Variants in HPCAL1 observed in about 807,000 individuals in gnomAD.
HPCAL1 encodes the protein hippocalcin like 1.
A neutral mutation model predicts 17.1 loss-of-function variants in HPCAL1; 8 were observed. That is an observed-to-expected ratio of 0.47 (90% CI 0.27 to 0.84). HPCAL1 has a LOEUF of 0.84. Ranked by LOEUF, HPCAL1 falls within the 40% of genes least tolerant of loss-of-function variation. The pLI, the probability that HPCAL1 is intolerant of heterozygous loss-of-function variation, is 0.13. For missense variants in HPCAL1, 165 were observed against 271.1 expected (o/e 0.61, Z 2.75); for synonymous variants, 112 against 111.4 (o/e 1.01, Z -0.03).
intron 1 of HPCAL1, among the ~76,000 whole-genome samples, chr2:10,388,143 G>A (rs529217484): frequency 6.6e-6 from 1 of 152,330 alleles, no homozygotes; most frequent in Non-Finnish European, 1.5e-5. Context: ...CAGACAGTTG[G>A]CGTGTCTCAG....
At chr2:10,307,354 C>T (rs563825492) in intron 1 of HPCAL1, among the ~76,000 whole-genome samples, 1 of 152,326 alleles carries the variant, frequency 6.6e-6, no homozygotes, top group Admixed American at 6.5e-5. Flanking sequence ...AGTGAGGTCT[C>T]CTCTCAGGTA....
At position 10,359,673 on chromosome 2, in the gene HPCAL1, C is replaced by T. The variant is rs926544950; in HGVS notation, c.-110-37162C>T. 5.3e-5 allele frequency among the ~76,000 whole-genome samples: 8 copies of T among 152,232 alleles called. No homozygotes were observed. The highest frequency in any genetic ancestry group is 1.9e-4 in the African/African-American group (8 of 41,456). ...AGGCCCACTCAGTGGCTGGCGGTCC[C>T]ACCTCCAAATGCAGGCAGACCACAC... On this transcript the variant is annotated intron_variant, in intron 1 of 4. Transcript: ENST00000307845. This position sits in a 1 kb window ranked among gnomAD's most constrained non-coding sequence, Gnocchi z 4.1.
At position 10,419,892 on chromosome 2, in the gene HPCAL1, G is replaced by C. The variant is rs1670926253; in HGVS notation, c.135G>C (p.Val45=). The change falls in exon 3 of 5, where the codon GTG becomes GTC. Residue 45 remains valine, a synonymous_variant. Transcript: ENST00000307845. This position sits in a 1 kb window ranked among gnomAD's most constrained non-coding sequence, Gnocchi z 5.0. The part of the protein sequence containing the change: ...LKDCPTGHLT[V]DEFKKIYANF... ...ACTGCCCCACCGGCCACCTGACCGT[G>C]GACGAGTTCAAGAAGATCTACGCCA... 1.2e-6 allele frequency: 2 copies of C among 1,613,798 alleles called. No homozygotes were observed. Among genetic ancestry groups the C allele is most frequent in the Admixed American group, 3.3e-5 (2 of 60,000 alleles).
Position 10,337,918 on chromosome 2 carries a change from G to A in HPCAL1, c.-111+34741G>A, listed in dbSNP as rs370530981. Among the ~76,000 whole-genome samples, 8 of 152,286 alleles carry A rather than the reference G, an allele frequency of 5.3e-5. No individual in the cohort carries two copies. In the East Asian group the frequency reaches 1.2e-3, roughly 22 times the overall value. ...AGGATGGGTCGGCCATGGCTGCGCC[G>A]GCTTAGTCTGTATTTAGGTATCACT... On this transcript the variant is annotated intron_variant, in intron 1 of 4. Coordinates refer to ENST00000307845, the MANE Select transcript of HPCAL1 (RefSeq NM_002149.4).
chr2:10,407,151 C>T (rs1301952728), intron 2 of HPCAL1, among the ~76,000 whole-genome samples: 17 of 152,172 alleles, frequency 1.1e-4, no homozygotes, highest in Admixed American at 1.1e-3. Context: ...AGGAGATTGG[C>T]ACCAGTTTGA....
chr2:10,408,601 T>C (rs1670123202), intron 2 of HPCAL1: 1 of 152,246 alleles, frequency 6.6e-6, no homozygotes, highest in South Asian at 2.1e-4. Context: ...AGGAACCTTT[T>C]CCTTCTGCAG....
At chr2:10,349,317 T>C (rs1665675531) in intron 1 of HPCAL1, among the ~76,000 whole-genome samples, 1 of 152,068 alleles carries the variant, frequency 6.6e-6, no homozygotes, top group South Asian at 2.1e-4. Context: ...TAGCCACTCT[T>C]CTATTTGAGT....
Position 10,419,481 on chromosome 2 carries a change from T to C in HPCAL1, c.-24-253T>C, listed in dbSNP as rs181525781. Among the ~76,000 whole-genome samples, 255 of 151,516 alleles carry C rather than the reference T, an allele frequency of 1.7e-3. 1 individual carries two copies. Among genetic ancestry groups the C allele is most frequent in the African/African-American group, 5.6e-3 (232 of 41,234 alleles). On this transcript the variant is annotated intron_variant, in intron 2 of 4. Coordinates refer to ENST00000307845, the MANE Select transcript of HPCAL1 (RefSeq NM_002149.4). This position sits in a 1 kb window ranked among gnomAD's most constrained non-coding sequence, Gnocchi z 5.0. The stretch of plus-strand genomic sequence containing the variant: ...GTTCCACTGATTTTAAGTTGCATTT[T>C]CCCCCCCGCATTTCCACATTCTCCA...
rs1277294225 is a variant in HPCAL1, at chr2:10,395,811, T to C, written c.-110-1024T>C. Among the ~76,000 whole-genome samples, 1 of 152,074 alleles carries C rather than the reference T, an allele frequency of 6.6e-6. No homozygotes were observed. Among genetic ancestry groups the C allele is most frequent in the Admixed American group, 6.6e-5 (1 of 15,262 alleles). Reference sequence around the variant, plus strand: ...TTTTTCCCCGTCTGTCAAATGGGGATGATGATTGTGCCTGCCTCCCAGGGC... The same window carrying C: ...TTTTTCCCCGTCTGTCAAATGGGGACGATGATTGTGCCTGCCTCCCAGGGC... On this transcript the variant is annotated intron_variant, in intron 1 of 4. Transcript: ENST00000307845. The surrounding 1 kb of genome is among the most constrained non-coding windows in gnomAD (Gnocchi z 4.4).
intron 1 of HPCAL1, among the ~76,000 whole-genome samples, chr2:10,374,040 T>C (rs1470350223): frequency 6.6e-6 from 1 of 152,178 alleles, no homozygotes; most frequent in Admixed American, 6.5e-5. Flanking sequence ...TGGCTGGCCC[T>C]GGAGCTCGGG....
Position 10,330,824 on chromosome 2 carries a change from CAG to C in HPCAL1, c.-111+27648_-111+27649del, listed in dbSNP as rs879823535. Reference sequence around the variant, plus strand: ...CCTGCCCACGGCAGGGGCTCTCTGTCAGTGTGTCTCCGACTGCGGACCCCGAT... The same window carrying C: ...CCTGCCCACGGCAGGGGCTCTCTGTCTGTGTCTCCGACTGCGGACCCCGAT... On this transcript the variant is annotated intron_variant, in intron 1 of 4. Transcript: ENST00000307845. The surrounding 1 kb of genome is among the most constrained non-coding windows in gnomAD (Gnocchi z 4.2). 2.0e-5 allele frequency among the ~76,000 whole-genome samples: 3 copies of C among 152,224 alleles called. No individual in the cohort carries two copies. The highest frequency in any genetic ancestry group is 1.3e-4 in the Admixed American group (2 of 15,286).
At position 10,377,228 on chromosome 2, in the gene HPCAL1, C is replaced by T. The variant is rs1667626034; in HGVS notation, c.-110-19607C>T. ...TGAGAGGTGTGAGGAGGCTGCCACG[C>T]AGGCCGCGCCGCCCCGAATGGCAGG... is the stretch of plus-strand genomic sequence containing the variant. On this transcript the variant is annotated intron_variant, in intron 1 of 4. Transcript: ENST00000307845. This position sits in a 1 kb window ranked among gnomAD's most constrained non-coding sequence, Gnocchi z 5.9. Among the ~76,000 whole-genome samples, 1 of 152,188 alleles carries T rather than the reference C, an allele frequency of 6.6e-6. No individual in the cohort carries two copies. Among genetic ancestry groups the T allele is most frequent in the Non-Finnish European group, 1.5e-5 (1 of 68,028 alleles).
At chr2:10,307,109 A>C (rs370132111) in intron 1 of HPCAL1, among the ~76,000 whole-genome samples, 10 of 151,722 alleles carry the variant, frequency 6.6e-5, no homozygotes, top group African/African-American at 2.4e-4. Context: ...TCTTAGCCCC[A>C]CCTGTGGCAT....
chr2:10,409,566 G>A (rs1489858596), intron 2 of HPCAL1, among the ~76,000 whole-genome samples: 3 of 152,112 alleles, frequency 2.0e-5, no homozygotes, highest in Admixed American at 2.0e-4. Context: ...GGGGCCGTGT[G>A]GGTCCAGCGG....
chr2:10,316,958 G>A (rs1339795930), intron 1 of HPCAL1, among the ~76,000 whole-genome samples: 1 of 152,114 alleles, frequency 6.6e-6, no homozygotes, highest in Non-Finnish European at 1.5e-5. Context: ...TATGGCTTCA[G>A]CATTCAGAAA....
chr2:10,358,731 A>T (rs1666342807), intron 1 of HPCAL1, among the ~76,000 whole-genome samples: 1 of 152,162 alleles, frequency 6.6e-6, no homozygotes, highest in Admixed American at 6.5e-5. Flanking sequence ...GAGAAGAGTC[A>T]GGAAAACCAT....
intron 2 of HPCAL1, among the ~76,000 whole-genome samples, chr2:10,399,271 C>CCACCACCACCAT (rs1572816035): frequency 1.1e-5 from 1 of 87,790 alleles, no homozygotes; most frequent in Non-Finnish European, 2.5e-5. Flanking sequence ...ATCACCACCA[C>CCACCACCACCAT]CACCACCATC....
rs564211418 is a variant in HPCAL1 at position 10,342,757 on chromosome 2, G to C, written c.-111+39580G>C. Among the ~76,000 whole-genome samples, 2 of 152,216 alleles carry C rather than the reference G, an allele frequency of 1.3e-5. No individual in the cohort carries two copies. Among genetic ancestry groups the C allele is most frequent in the Non-Finnish European group, 2.9e-5 (2 of 68,042 alleles). ...TCCTGGGCAAAGAGAGGCACAATCTGTTCCCGGTTGGGCCAGCTGCCCTCC... is the reference window on the plus strand; with the variant it reads ...TCCTGGGCAAAGAGAGGCACAATCTCTTCCCGGTTGGGCCAGCTGCCCTCC... On this transcript the variant is annotated intron_variant, in intron 1 of 4. Transcript: ENST00000307845. The surrounding 1 kb of genome is among the most constrained non-coding windows in gnomAD (Gnocchi z 4.1).
intron 1 of HPCAL1, among the ~76,000 whole-genome samples, chr2:10,371,578 G>T (rs909041958): frequency 1.3e-5 from 2 of 152,128 alleles, no homozygotes; most frequent in Non-Finnish European, 1.5e-5. Flanking sequence ...TGGACAATTA[G>T]GAGACACCAT....
Sources: gnomAD v4.1 joint callset for allele counts (sites outside exome capture counted in the v4.1 genomes callset) on GRCh38, gnomAD v4.1.1 for gene constraint, Gnocchi (gnomAD v3.1) non-coding constraint, MANE v1.5 for transcripts, NCBI Gene and HGNC (gene_info 2026-07-23, HGNC 2026-07-21) for gene names.